Variants in SPSB4 observed in about 807,000 individuals in gnomAD.
The protein encoded by SPSB4 is splA/ryanodine receptor domain and SOCS box containing 4.
Under a neutral mutation model 20.9 loss-of-function variants are expected in SPSB4, and 21 were observed. That is an observed-to-expected ratio of 1.01 (90% CI 0.71 to 1.45). SPSB4 has a LOEUF of 1.45. Ranked by LOEUF, SPSB4 falls within the 40% of genes most tolerant of loss-of-function variation. The pLI is 0.00. For synonymous variants in SPSB4, 207 were observed against 183.8 expected (o/e 1.13, Z -1.02); for missense variants, 399 against 399.2 (o/e 1.00, Z 0.00).
chr3:141,121,467 A>G (rs1055954868), intron 2 of SPSB4, among the ~76,000 whole-genome samples: 24 of 152,110 alleles, frequency 1.6e-4, no homozygotes, highest in African/African-American at 5.6e-4. Context: ...CTGCCTTGCT[A>G]GGTTGGGGAA....
At chr3:141,140,635 G>A (rs1939309373) in intron 2 of SPSB4, among the ~76,000 whole-genome samples, 1 of 152,214 alleles carries the variant, frequency 6.6e-6, no homozygotes, top group African/African-American at 2.4e-5. Context: ...AGCGGTGGCT[G>A]CAGAACAGCG....
At position 141,112,871 on chromosome 3, in the gene SPSB4, A is replaced by C. The variant is rs547918952; in HGVS notation, c.695-34271A>C. ...AAGGAGCTTTCCAGGGCCTCTCAGC[A>C]AGTGGCCCAAGTAGAGGGGTTCTGA... On this transcript the variant is annotated intron_variant, in intron 2 of 2. Transcript: ENST00000310546. Among the ~76,000 whole-genome samples the C allele has an allele frequency of 3.3e-4, 50 of 152,170 alleles. 1 individual carries two copies. Among genetic ancestry groups the C allele is most frequent in the South Asian group, 2.1e-4 (1 of 4,818 alleles).
rs556702371 is a variant in SPSB4, at chr3:141,102,919, C to A, written c.694+36121C>A. ...CCATGAGGAAGAGGCCACATCTCTG[C>A]CTCTACCTCACACTTGGACTCCAGG... On this transcript the variant is annotated intron_variant, in intron 2 of 2. Coordinates refer to ENST00000310546, the MANE Select transcript of SPSB4 (RefSeq NM_080862.3). Among the ~76,000 whole-genome samples the A allele has an allele frequency of 8.5e-5, 13 of 152,246 alleles. No homozygotes were observed. In the South Asian group the frequency reaches 2.7e-3, roughly 32 times the overall value.
intron 2 of SPSB4, among the ~76,000 whole-genome samples, chr3:141,095,688 A>G (rs1216320737): frequency 6.6e-6 from 1 of 152,094 alleles, no homozygotes; most frequent in Non-Finnish European, 1.5e-5. Flanking sequence ...ATTCTGGAAA[A>G]TCTATCCCAG....
intron 2 of SPSB4, among the ~76,000 whole-genome samples, chr3:141,108,966 C>T (rs1408847051): frequency 1.3e-5 from 2 of 152,208 alleles, no homozygotes; most frequent in Non-Finnish European, 2.9e-5. Flanking sequence ...GAGCAGTCAG[C>T]AAAGAGACCA....
intron 1 of SPSB4, among the ~76,000 whole-genome samples, chr3:141,063,994 G>A (rs1277192316): frequency 3.9e-5 from 6 of 152,208 alleles, no homozygotes; most frequent in African/African-American, 1.2e-4. Context: ...TGAAGATGGC[G>A]GGTCTGTGGT....
chr3:141,064,648 G>T (rs1183484681), intron 1 of SPSB4, among the ~76,000 whole-genome samples: 4 of 152,196 alleles, frequency 2.6e-5, no homozygotes, highest in Non-Finnish European at 5.9e-5. Context: ...TTGAGGCTGG[G>T]GAGGGCAGGG....
chr3:141,142,859 C>T lies in SPSB4; in HGVS notation c.695-4283C>T, dbSNP rs557767947. Among the ~76,000 whole-genome samples, 180 of 135,786 alleles carry T rather than the reference C, an allele frequency of 1.3e-3. 1 individual carries two copies. Among genetic ancestry groups the T allele is most frequent in the African/African-American group, 4.7e-3 (170 of 36,046 alleles). 89.1% of individuals were successfully genotyped at this position (135,786 alleles called of 152,430 possible). On this transcript the variant is annotated intron_variant, in intron 2 of 2. Transcript: ENST00000310546. ...TGAGACAGAGTCTCGCTCTGTCACC[C>T]AGCCTGGAGTGCAGTGGCATGATCT...
At chr3:141,063,604 A>G (rs1284890246) in intron 1 of SPSB4, among the ~76,000 whole-genome samples, 1 of 152,248 alleles carries the variant, frequency 6.6e-6, no homozygotes, top group Non-Finnish European at 1.5e-5. Context: ...ATCAATCACA[A>G]AATTAGTTTA....
At chr3:141,085,048 G>A (rs1938314405) in intron 2 of SPSB4, among the ~76,000 whole-genome samples, 1 of 152,244 alleles carries the variant, frequency 6.6e-6, no homozygotes, top group African/African-American at 2.4e-5. Context: ...CCAGAGAGGA[G>A]TGCTTGAGCC....
At chr3:141,097,198 G>A (rs1292667565) in intron 2 of SPSB4, among the ~76,000 whole-genome samples, 1 of 151,712 alleles carries the variant, frequency 6.6e-6, no homozygotes, top group Non-Finnish European at 1.5e-5. Context: ...ATAGGCCATT[G>A]CTGTAGTCTG....
intron 2 of SPSB4, among the ~76,000 whole-genome samples, chr3:141,089,706 T>G (rs1449874546): frequency 6.6e-6 from 1 of 152,212 alleles, no homozygotes; most frequent in Non-Finnish European, 1.5e-5. Context: ...CCAGATGAGA[T>G]GATGGACACA....
At chr3:141,138,960 G>A (rs1412672269) in intron 2 of SPSB4, among the ~76,000 whole-genome samples, 1 of 152,142 alleles carries the variant, frequency 6.6e-6, no homozygotes, top group Non-Finnish European at 1.5e-5. Flanking sequence ...TTATTATTGT[G>A]TGGGTGTCTA....
chr3:141,106,156 C>G (rs890294978), intron 2 of SPSB4, among the ~76,000 whole-genome samples: 1 of 152,126 alleles, frequency 6.6e-6, no homozygotes, highest in Non-Finnish European at 1.5e-5. Flanking sequence ...TTTTGCAGCT[C>G]CTGTGTGGGC....
intron 2 of SPSB4, among the ~76,000 whole-genome samples, chr3:141,146,603 G>A (rs536513086): frequency 7.0e-4 from 106 of 152,182 alleles, no homozygotes; most frequent in African/African-American, 2.4e-3. Flanking sequence ...GTGAAAGCCC[G>A]TCTCTACTAA....
chr3:141,111,907 T>C (rs1367141329), intron 2 of SPSB4, among the ~76,000 whole-genome samples: 3 of 152,196 alleles, frequency 2.0e-5, no homozygotes, highest in Admixed American at 6.5e-5. Flanking sequence ...CTCAAAGCCC[T>C]GCCTTATGGT....
In SPSB4 at chr3:141,066,588, C is replaced by T. The variant is rs534730385; in HGVS notation, c.484C>T (p.Pro162Ser). Residue 162 changes from proline (P) to serine (S), a missense_variant, in exon 2 of 3, where the codon CCG becomes TCG. Coordinates refer to ENST00000310546, the MANE Select transcript of SPSB4 (RefSeq NM_080862.3). The part of the protein sequence containing the change: ...DGKNQPGVAY[P>S]AFLGPDEAFA... ...CAAGAACCAGCCCGGCGTGGCCTACCCGGCCTTTCTGGGGCCCGACGAGGC... is the reference window on the plus strand; with the variant it reads ...CAAGAACCAGCCCGGCGTGGCCTACTCGGCCTTTCTGGGGCCCGACGAGGC... 1 of 1,568,498 alleles carries T rather than the reference C, an allele frequency of 6.4e-7. No individual in the cohort carries two copies. The highest frequency in any genetic ancestry group is 8.6e-7 in the Non-Finnish European group (1 of 1,157,388).
At chr3:141,107,123 G>T (rs898676657) in intron 2 of SPSB4, among the ~76,000 whole-genome samples, 1 of 152,206 alleles carries the variant, frequency 6.6e-6, no homozygotes, top group African/African-American at 2.4e-5. Context: ...CTGGTCAGAG[G>T]CTCCACGCCT....
At chr3:141,083,622 G>A (rs896671081) in intron 2 of SPSB4, among the ~76,000 whole-genome samples, 26 of 152,130 alleles carry the variant, frequency 1.7e-4, no homozygotes, top group African/African-American at 6.0e-4. Context: ...TTCTGCTTGT[G>A]CTGTGCTCCC....
Sources: allele counts gnomAD v4.1 joint callset (sites outside exome capture counted in the v4.1 genomes callset), GRCh38; gene constraint gnomAD v4.1.1; transcripts MANE v1.5; gene names NCBI Gene and HGNC (gene_info 2026-07-23, HGNC 2026-07-21).